The following USH2A variants were observed in gnomAD, a reference collection of about 807,000 sequenced individuals.
USH2A encodes the protein Usher syndrome 2A (autosomal recessive, mild).
A neutral mutation model predicts 538.9 loss-of-function variants in USH2A; 443 were observed. The ratio of observed to expected loss-of-function variants is 0.82; its 90% confidence interval spans 0.76 to 0.89. The LOEUF is 0.89. USH2A is among the 40% of genes least tolerant of loss of function. USH2A has a pLI of 0.00. For missense variants in USH2A, 6,633 were observed against 6,324.8 expected, an observed-to-expected ratio of 1.05 and a Z score of -1.65; for synonymous variants, 2,413 against 2,273.5, an observed-to-expected ratio of 1.06 and a Z score of -1.75.
chr1:215,877,818 T>A lies in USH2A; in HGVS notation c.8621A>T (p.Asn2874Ile), dbSNP rs369509994. 1 of 1,613,732 alleles carries A rather than the reference T, an allele frequency of 6.2e-7. No individual in the cohort carries two copies. Among genetic ancestry groups the A allele is most frequent in the African/African-American group, 1.3e-5 (1 of 74,936 alleles). ...TCCTGAATAAATATTGTGCCACCGA[T>A]TTAAATCTTCTGGGGGATTTGATGC... is the stretch of plus-strand genomic sequence containing the variant. ...PLASNPPEDL[N>I]RWHNIYSGTQ... Residue 2874 changes from asparagine (N) to isoleucine (I), a missense_variant, in exon 43 of 72, where the codon AAT becomes ATT. Transcript: ENST00000307340.
chr1:215,772,025 A>G (rs1363860822), intron 55 of USH2A, among the ~76,000 whole-genome samples: 1 of 152,234 alleles, frequency 6.6e-6, no homozygotes, highest in African/African-American at 2.4e-5. Flanking sequence ...TCAGGCATAG[A>G]TGATTTACAT....
Position 215,771,579 on chromosome 1 carries a change from C to CAAA in USH2A, c.10940-4794_10940-4792dup, listed in dbSNP as rs759067576. On this transcript the variant is annotated intron_variant, in intron 55 of 71. Coordinates refer to ENST00000307340, the MANE Select transcript of USH2A (RefSeq NM_206933.4). Reference sequence around the variant, plus strand: ...TGGGCGACAGAGCGAGACTCCGTCTCAAAAAAAAAAAAAAAAAAAAAAAAA... The same window carrying CAAA: ...TGGGCGACAGAGCGAGACTCCGTCTCAAAAAAAAAAAAAAAAAAAAAAAAAAAA... Among the ~76,000 whole-genome samples, 161 of 43,996 alleles carry CAAA rather than the reference C, an allele frequency of 3.7e-3. 18 individuals carry two copies. Among genetic ancestry groups the CAAA allele is most frequent in the African/African-American group, 6.5e-3 (61 of 9,452 alleles). 28.9% of individuals were successfully genotyped at this position (43,996 alleles called of 152,430 possible). A position where few individuals can be genotyped will look rare whatever the true frequency, so the allele number is the denominator to read the frequency against.
At chr1:215,892,731 C>T (rs1665239937) in intron 40 of USH2A, among the ~76,000 whole-genome samples, 1 of 152,092 alleles carries the variant, frequency 6.6e-6, no homozygotes, top group African/African-American at 2.4e-5. Flanking sequence ...AGAATGGGCA[C>T]TGCAGTTTTG....
intron 61 of USH2A, among the ~76,000 whole-genome samples, chr1:215,724,739 T>A (rs1386585258): frequency 1.3e-5 from 2 of 151,902 alleles, no homozygotes; most frequent in Non-Finnish European, 2.9e-5. Context: ...TCATTCTTCC[T>A]CACAGTCTCT....
chr1:216,394,237 A>G (rs1224326113), intron 3 of USH2A, among the ~76,000 whole-genome samples: 1 of 152,130 alleles, frequency 6.6e-6, no homozygotes, highest in Non-Finnish European at 1.5e-5. Context: ...AGAAGGCAAA[A>G]TGGTACAGCC....
intron 13 of USH2A, among the ~76,000 whole-genome samples, chr1:216,235,416 T>C (rs887759260): frequency 1.3e-5 from 2 of 152,202 alleles, no homozygotes; most frequent in African/African-American, 4.8e-5. Flanking sequence ...AGTTCACATA[T>C]ACATGGTCCA....
chr1:216,160,630 C>A (rs568036129), intron 21 of USH2A, among the ~76,000 whole-genome samples: 1 of 152,068 alleles, frequency 6.6e-6, no homozygotes, highest in East Asian at 1.9e-4. Flanking sequence ...TATGCGATTT[C>A]TATAGCCCAG....
chr1:215,763,032 T>C (rs888393476), intron 56 of USH2A, among the ~76,000 whole-genome samples: 5 of 152,200 alleles, frequency 3.3e-5, no homozygotes, highest in Non-Finnish European at 7.3e-5. Flanking sequence ...TTGTGGATTG[T>C]TTTTCTCCTG....
intron 40 of USH2A, among the ~76,000 whole-genome samples, chr1:215,892,259 T>C (rs1571787287): frequency 6.6e-6 from 1 of 152,196 alleles, no homozygotes; most frequent in East Asian, 1.9e-4. Flanking sequence ...TTGTTTGCTA[T>C]TCGAGTTACC....
At chr1:216,269,693 T>C (rs995165735) in intron 11 of USH2A, among the ~76,000 whole-genome samples, 2 of 152,116 alleles carry the variant, frequency 1.3e-5, no homozygotes, top group Admixed American at 1.3e-4. Context: ...CTTTGTAAGT[T>C]TCTTTGTTAG....
At chr1:216,139,358 T>C (rs79995624) in intron 21 of USH2A, among the ~76,000 whole-genome samples, 2,975 of 151,212 alleles carry the variant, frequency 0.02, 105 homozygotes, top group African/African-American at 0.068. Flanking sequence ...CTCGAAGTTA[T>C]AATGGACCCT....
intron 31 of USH2A, among the ~76,000 whole-genome samples, chr1:216,047,073 T>TA (rs1341029829): frequency 1.3e-5 from 2 of 152,194 alleles, no homozygotes; most frequent in Non-Finnish European, 2.9e-5. Context: ...CATATTTTTT[T>TA]AAAAAGAGCT....
At chr1:215,682,991 CG>C (rs1191211681) in intron 61 of USH2A, among the ~76,000 whole-genome samples, 1 of 151,780 alleles carries the variant, frequency 6.6e-6, no homozygotes, top group African/African-American at 2.4e-5. Context: ...CTGGAGTAGC[CG>C]GGACTACAGT....
At position 216,083,268 on chromosome 1, in the gene USH2A, A is replaced by C. The variant is rs3925007; in HGVS notation, c.5298+188T>G. ...TAATTGTTACAATTGTCATCTTAAAAAATTACTAGGATAATAAAATACAAA... is the reference window on the plus strand; with the variant it reads ...TAATTGTTACAATTGTCATCTTAAACAATTACTAGGATAATAAAATACAAA... On this transcript the variant is annotated intron_variant, in intron 26 of 71. Coordinates refer to ENST00000307340, the MANE Select transcript of USH2A (RefSeq NM_206933.4). The C allele has an allele frequency of 0.043, 23,242 of 539,172 alleles. 654 individuals are homozygous for C. The highest frequency in any genetic ancestry group is 0.054 in the Non-Finnish European group (16,974 of 315,762). 33.4% of individuals were successfully genotyped at this position (539,172 alleles called of 1,614,324 possible). A position where few individuals can be genotyped will look rare whatever the true frequency, so the allele number is the denominator to read the frequency against.
intron 49 of USH2A, among the ~76,000 whole-genome samples, chr1:215,806,984 T>G (rs906710701): frequency 9.2e-5 from 14 of 152,074 alleles, no homozygotes; most frequent in Non-Finnish European, 2.9e-5. Flanking sequence ...TACCTTACCA[T>G]GGTAAGCACA....
chr1:216,198,714 CT>C, intron 17 of USH2A, 130 bp from the exon 18 acceptor site: 1 of 872,506 alleles, frequency 1.1e-6, no homozygotes, highest in Non-Finnish European at 1.8e-6. Flanking sequence ...CTGTCAATTT[CT>C]TTAGCATTCA....
At chr1:216,120,219 CAAAAAAAAA>C (rs10525093) in intron 21 of USH2A, among the ~76,000 whole-genome samples, 2 of 100,070 alleles carry the variant, frequency 2.0e-5, no homozygotes, top group Non-Finnish European at 3.8e-5. Flanking sequence ...TACTAAATAG[CAAAAAAAAA>C]AAAAAAAAAA....
In USH2A at chr1:216,072,775, T is replaced by A. The variant is rs578148785; in HGVS notation, c.5857+114A>T. On this transcript the variant is annotated intron_variant, in intron 29 of 71. Coordinates refer to ENST00000307340, the MANE Select transcript of USH2A (RefSeq NM_206933.4). Reference sequence around the variant, plus strand: ...TATTTTCAAACCAAGGCATGCTCTGTCAGAAGACTACAAAAATATTACTGC... The same window carrying A: ...TATTTTCAAACCAAGGCATGCTCTGACAGAAGACTACAAAAATATTACTGC... 17 of 1,023,380 alleles carry A rather than the reference T, an allele frequency of 1.7e-5. No homozygotes were observed. In the African/African-American group the frequency reaches 2.7e-4, roughly 16 times the overall value. The allele number at this position is 1,023,380 out of a possible 1,614,324, so 63.4% of individuals were successfully genotyped here.
chr1:215,722,406 C>T (rs1001571641), intron 61 of USH2A, among the ~76,000 whole-genome samples: 1 of 152,142 alleles, frequency 6.6e-6, no homozygotes, highest in Admixed American at 6.5e-5. Flanking sequence ...ATGTAAAGAG[C>T]AGTAATATTT....
Sources: gnomAD v4.1 joint callset for allele counts (sites outside exome capture counted in the v4.1 genomes callset) on GRCh38, gnomAD v4.1.1 for gene constraint, MANE v1.5 for transcripts, NCBI Gene and HGNC (gene_info 2026-07-23, HGNC 2026-07-21) for gene names.